Variants in PRR33 observed in about 807,000 individuals in gnomAD.
PRR33 encodes the protein proline rich 33.
PRR33 carries 1 observed loss-of-function variant against 0.5 expected under a neutral mutation model. The observed-to-expected ratio is 2.18, with a 90% CI of 0.77 to 10.34. The LOEUF is 10.34. Among genes scored for constraint, PRR33 ranks in the 30% most tolerant of loss-of-function variants. The pLI, the probability that PRR33 is intolerant of heterozygous loss-of-function variation, is 0.13. For missense variants in PRR33, 552 were observed against 251.8 expected (o/e 2.19, Z -8.07); for synonymous variants, 226 against 110.0 (o/e 2.06, Z -6.60).
the PRR33 span, among the ~76,000 whole-genome samples, chr11:1,910,498 T>A: frequency 6.6e-6 from 1 of 152,216 alleles, no homozygotes; most frequent in African/African-American, 2.4e-5. Context: ...TCCAGCCACC[T>A]CGGCCTTCCA....
At chr11:1,894,077 T>A (rs199632639), upstream of PRR33, among the ~76,000 whole-genome samples, 57 of 3,336 alleles carry the variant, frequency 0.017, no homozygotes, top group South Asian at 0.049. Context: ...TGTGTGTGTG[T>A]GATAGGGCCT....
exon 1 of PRR33, chr11:1,889,380 T>G: frequency 4.3e-6 from 3 of 705,502 alleles, no homozygotes; most frequent in Non-Finnish European, 7.9e-6. Flanking sequence ...CAGCACGGCA[T>G]CCCACATCCT....
chr11:1,905,944 G>A, the PRR33 span, among the ~76,000 whole-genome samples: 2 of 151,184 alleles, frequency 1.3e-5, no homozygotes, highest in East Asian at 2.0e-4. Flanking sequence ...TCAGCCTCCC[G>A]AGTAGCTGTG....
At chr11:1,900,871 T>C in the PRR33 span, among the ~76,000 whole-genome samples, 1 of 152,238 alleles carries the variant, frequency 6.6e-6, no homozygotes, top group Admixed American at 6.5e-5. Flanking sequence ...CTCTCTTTTT[T>C]GGATACTATA....
chr11:1,895,187 C>T (rs1849110324), upstream of PRR33, among the ~76,000 whole-genome samples: 2 of 151,754 alleles, frequency 1.3e-5, no homozygotes, highest in South Asian at 4.2e-4. Flanking sequence ...GGCTGGAGTG[C>T]AGTGGCGCCA....
At chr11:1,907,238 G>A in the PRR33 span, among the ~76,000 whole-genome samples, 1 of 152,212 alleles carries the variant, frequency 6.6e-6, no homozygotes, top group South Asian at 2.1e-4. Flanking sequence ...TCAGCCAGGA[G>A]TGGAAATCTG....
chr11:1,898,154 A>C, the PRR33 span, among the ~76,000 whole-genome samples: 1 of 151,854 alleles, frequency 6.6e-6, no homozygotes, highest in African/African-American at 2.4e-5. Flanking sequence ...CATCCCACAC[A>C]CCTTTAGCAA....
the PRR33 span, among the ~76,000 whole-genome samples, chr11:1,912,570 A>G: frequency 6.6e-6 from 1 of 152,058 alleles, no homozygotes; most frequent in Non-Finnish European, 1.5e-5. Flanking sequence ...CAGATGTTAG[A>G]CTATTTATTA....
chr11:1,890,069 C>A, exon 1 of PRR33: 1 of 713,068 alleles, frequency 1.4e-6, no homozygotes, highest in Non-Finnish European at 2.6e-6. Flanking sequence ...TGCCCCCACC[C>A]CCAGAGACAG....
the PRR33 span, among the ~76,000 whole-genome samples, chr11:1,898,993 T>C: frequency 6.6e-6 from 1 of 152,108 alleles, no homozygotes; most frequent in Non-Finnish European, 1.5e-5. Flanking sequence ...AGAGTGAGAC[T>C]TGGAGTGAGC....
the PRR33 span, among the ~76,000 whole-genome samples, chr11:1,901,309 C>T: frequency 6.7e-6 from 1 of 150,278 alleles, no homozygotes; most frequent in African/African-American, 2.4e-5. Context: ...CAAAACACCA[C>T]CTCTAAAAAA....
the PRR33 span, among the ~76,000 whole-genome samples, chr11:1,907,628 C>T: frequency 5.9e-5 from 9 of 152,226 alleles, no homozygotes; most frequent in Middle Eastern, 6.8e-3. Flanking sequence ...TGGCCAGGCA[C>T]GTCTCGAACT....
At chr11:1,917,148 C>A in the PRR33 span, among the ~76,000 whole-genome samples, 1 of 152,210 alleles carries the variant, frequency 6.6e-6, no homozygotes, top group African/African-American at 2.4e-5. Flanking sequence ...CTGTCCTGGG[C>A]CTGGCAGTGA....
chr11:1,892,264 T>G (rs1275650984), upstream of PRR33: 10 of 152,248 alleles, frequency 6.6e-5, no homozygotes, highest in Non-Finnish European at 1.0e-4. Context: ...TGTATTCTCA[T>G]GTGCTGGCTG....
chr11:1,901,841 GGA>G, the PRR33 span, among the ~76,000 whole-genome samples: 3 of 152,226 alleles, frequency 2.0e-5, no homozygotes, highest in Non-Finnish European at 4.4e-5. Context: ...AATGTCTTGT[GGA>G]GATGTAAATT....
At chr11:1,909,253 C>G in the PRR33 span, among the ~76,000 whole-genome samples, 3 of 152,060 alleles carry the variant, frequency 2.0e-5, no homozygotes, top group Admixed American at 6.6e-5. Flanking sequence ...AATCCCAGCA[C>G]TTTGCGAGGC....
exon 1 of PRR33, chr11:1,890,257 C>T: frequency 1.4e-6 from 1 of 714,990 alleles, no homozygotes; most frequent in East Asian, 2.7e-5. Flanking sequence ...CGGGGTAGGG[C>T]AGCCACCATG....
chr11:1,889,736 G>A, exon 1 of PRR33: 1 of 657,786 alleles, frequency 1.5e-6, no homozygotes, highest in Non-Finnish European at 2.8e-6. Context: ...TGGGGACCAG[G>A]CTGTGCGGTG....
At chr11:1,889,406 G>T (rs774817716) in exon 1 of PRR33, 1 of 684,080 alleles carries the variant, frequency 1.5e-6, no homozygotes, top group African/African-American at 1.8e-5. Context: ...TCCGGGAGGC[G>T]GGGGCCCGGG....
Sources: allele counts gnomAD v4.1 joint callset (sites outside exome capture counted in the v4.1 genomes callset), GRCh38; gene constraint gnomAD v4.1.1; transcripts MANE v1.5; gene names NCBI Gene and HGNC (gene_info 2026-07-23, HGNC 2026-07-21).